MTRR: variants seen among roughly 807,000 people sequenced by gnomAD.
MTRR encodes 5-methyltetrahydrofolate-homocysteine methyltransferase reductase.
Under a neutral mutation model 79.2 loss-of-function variants are expected in MTRR, and 63 were observed. The ratio of observed to expected loss-of-function variants is 0.80; its 90% CI spans 0.65 to 0.98. MTRR has a LOEUF of 0.98. MTRR is among the 50% of genes least tolerant of loss of function. The pLI, the probability that MTRR is intolerant of heterozygous loss-of-function variation, is 0.00. For missense variants in MTRR, 895 were observed against 839.6 expected, an observed-to-expected ratio of 1.07 and a Z score of -0.82; for synonymous variants, 355 against 313.3, an observed-to-expected ratio of 1.13 and a Z score of -1.41.
intron 14 of MTRR, among the ~76,000 whole-genome samples, chr5:7,897,890 G>T (rs142396918): frequency 5.3e-4 from 80 of 151,592 alleles, no homozygotes; most frequent in African/African-American, 1.8e-3. Context: ...ACATTCCTAG[G>T]ATTTAACACA....
Position 7,889,131 on chromosome 5 carries a change from A to T in MTRR, c.1183A>T (p.Ser395Cys), listed in dbSNP as rs752183695. The T allele has an allele frequency of 1.4e-5, 23 of 1,613,946 alleles. No homozygotes were observed. Among genetic ancestry groups the T allele is most frequent in the Non-Finnish European group, 1.5e-5 (18 of 1,179,926 alleles). Residue 395 changes from serine to cysteine, a missense_variant, in exon 9 of 15, where the codon AGT becomes TGT. Ser to Cys is a moderately radical substitution (Grantham distance 112, BLOSUM62 -1). Transcript: ENST00000440940. ...AGCCCTTGTGGACTATACCAGTGAC[A>T]GTGCTGAAAAGCGCAGGCTACAGGA... ...LRALVDYTSD[S>C]AEKRRLQELC...
chr5:7,893,838 G>A (rs1273431574), intron 11 of MTRR, among the ~76,000 whole-genome samples: 1 of 152,126 alleles, frequency 6.6e-6, no homozygotes, highest in African/African-American at 2.4e-5. Flanking sequence ...CGTTTAACTT[G>A]ATGTTTTTCC....
At chr5:7,869,445 C>G (rs1747474130) in intron 1 of MTRR, 1 of 552,642 alleles carries the variant, frequency 1.8e-6, no homozygotes, top group African/African-American at 2.0e-5. Flanking sequence ...CGGCCTCTGC[C>G]GCGGGAGGCC....
rs1391580706 is a variant in MTRR at position 7,900,325 on chromosome 5, G to A, written c.*267G>A. 2.1e-5 allele frequency: 9 copies of A among 436,728 alleles called. No individual in the cohort carries two copies. Among genetic ancestry groups the A allele is most frequent in the Non-Finnish European group, 3.3e-5 (8 of 240,818 alleles). 27.1% of individuals were successfully genotyped at this position (436,728 alleles called of 1,614,324 possible). The stretch of plus-strand genomic sequence containing the variant: ...CTCTTCTGAGCTAAGGCAGCCTTCA[G>A]TCCCTATCAGCGCCTCCTTTACTTC... On this transcript the variant is annotated 3_prime_UTR_variant, in exon 15 of 15. Transcript: ENST00000440940.
Position 7,892,861 on chromosome 5 carries a change from A to T in MTRR, c.1505A>T (p.Gln502Leu), listed in dbSNP as rs1737853278. ...WLALLVASVLQPNIHASHEDS... is the reference protein window; with the variant it reads ...WLALLVASVLLPNIHASHEDS... Reference sequence around the variant, plus strand: ...GCCTTGTTGGTTGCTTCAGTTCTTCAGCCAAACATACATGCATCCCATGAA... The same window carrying T: ...GCCTTGTTGGTTGCTTCAGTTCTTCTGCCAAACATACATGCATCCCATGAA... The change falls in exon 11 of 15, where the codon CAG (glutamine) becomes CTG (leucine). Residue 502 changes from glutamine (Q) to leucine (L), a missense_variant. Coordinates refer to ENST00000440940, the MANE Select transcript of MTRR (RefSeq NM_002454.3). The T allele has an allele frequency of 6.2e-7, 1 of 1,614,120 alleles. No homozygotes were observed. Among genetic ancestry groups the T allele is most frequent in the African/African-American group, 1.3e-5 (1 of 74,938 alleles).
intron 1 of MTRR, chr5:7,869,525 C>A (rs549081012): frequency 2.8e-6 from 1 of 356,890 alleles, no homozygotes; most frequent in Non-Finnish European, 5.3e-6. Context: ...CTAGGGAAAC[C>A]GCACTCGGGG....
chr5:7,896,706 C>A, intron 12 of MTRR, 158 bp from the exon 13 acceptor site: 2 of 685,784 alleles, frequency 2.9e-6, no homozygotes, highest in South Asian at 3.5e-5. Flanking sequence ...CCATGACAGC[C>A]TGTGGAGAGT....
intron 3 of MTRR, 160 bp from the exon 4 acceptor site, chr5:7,875,098 T>G (rs1748648772): frequency 4.6e-6 from 3 of 653,264 alleles, no homozygotes; most frequent in Non-Finnish European, 8.2e-6. Context: ...ACTGCCTACA[T>G]GCATAGAATT....
chr5:7,879,524 A>C (rs1210962952), intron 5 of MTRR, among the ~76,000 whole-genome samples: 1 of 151,466 alleles, frequency 6.6e-6, no homozygotes, highest in Non-Finnish European at 1.5e-5. Flanking sequence ...GTCATTAAAT[A>C]GGCTTGAGTT....
chr5:7,865,137 TAG>T (rs1265663108), upstream of MTRR, among the ~76,000 whole-genome samples: 1 of 152,028 alleles, frequency 6.6e-6, no homozygotes, highest in African/African-American at 2.4e-5. Context: ...AGAAAAAAAA[TAG>T]ACAGTGTTTA....
At chr5:7,899,099 CAG>C (rs1431014988) in intron 14 of MTRR, among the ~76,000 whole-genome samples, 1 of 152,088 alleles carries the variant, frequency 6.6e-6, no homozygotes, top group East Asian at 1.9e-4. Flanking sequence ...CCAGATCTCT[CAG>C]GAACTCAGAG....
rs181645368 is a variant in MTRR at position 7,879,849 on chromosome 5, T to C, written c.780+1527T>C. 4.4e-3 allele frequency among the ~76,000 whole-genome samples: 672 copies of C among 152,290 alleles called. 19 individuals are homozygous for C. The highest frequency in any genetic ancestry group is 0.041 in the Admixed American group (634 of 15,306). On this transcript the variant is annotated intron_variant, in intron 5 of 14. Transcript: ENST00000440940. ...TGTGTGGTAGAGCGGCAGGACCTGT[T>C]AACGAGCACTGTCACTTGGATCTGC...
intron 1 of MTRR, chr5:7,859,469 AAC>A: frequency 2.5e-6 from 4 of 1,607,616 alleles, no homozygotes; most frequent in Non-Finnish European, 3.4e-6. Flanking sequence ...GTTTTGAGAA[AAC>A]AGTTTTCTTT....
intron 4 of MTRR, among the ~76,000 whole-genome samples, chr5:7,876,569 T>C (rs1029348553): frequency 3.3e-5 from 5 of 152,252 alleles, no homozygotes; most frequent in Non-Finnish European, 7.3e-5. Flanking sequence ...ACTTGAATTT[T>C]TCCTTTTTCT....
At chr5:7,891,745 A>G (rs990104700) in intron 10 of MTRR, among the ~76,000 whole-genome samples, 3 of 152,130 alleles carry the variant, frequency 2.0e-5, no homozygotes, top group East Asian at 1.9e-4. Context: ...AAGTTCCACT[A>G]TAAAACATTT....
chr5:7,856,219 C>T (rs1251740172), intron 1 of MTRR, among the ~76,000 whole-genome samples: 1 of 152,192 alleles, frequency 6.6e-6, no homozygotes, highest in Non-Finnish European at 1.5e-5. Context: ...GATATTGAAG[C>T]TACTTCTCCA....
chr5:7,869,330 CGCCCTTCG>C (rs1176435711), intron 1 of MTRR, 115 bp downstream of exon 1: 1 of 1,282,194 alleles, frequency 7.8e-7, no homozygotes, highest in Non-Finnish European at 1.1e-6. Context: ...GTGGTTCCCA[CGCCCTTCG>C]GCCTCCGGGG....
upstream of MTRR, chr5:7,865,784 C>G (rs185226627): frequency 1.3e-6 from 1 of 757,394 alleles, no homozygotes; most frequent in African/African-American, 1.7e-5. Context: ...GCAACTGACT[C>G]CAAGTAAATG....
chr5:7,865,817 T>C (rs541508270), upstream of MTRR: 1,029 of 1,060,244 alleles, frequency 9.7e-4, 13 homozygotes, highest in Middle Eastern at 0.015. Context: ...TTCAGGTTAT[T>C]GAGACAGATC....
Sources: gnomAD v4.1 joint callset for allele counts (sites outside exome capture counted in the v4.1 genomes callset) on GRCh38, gnomAD v4.1.1 for gene constraint, MANE v1.5 for transcripts, NCBI Gene and HGNC (gene_info 2026-07-23, HGNC 2026-07-21) for gene names.